The following SGCZ variants were observed in gnomAD, a reference collection of about 807,000 sequenced individuals.
SGCZ encodes zeta-sarcoglycan.
In SGCZ, 40 loss-of-function variants were observed where a neutral mutation model predicts 41.3. That is an observed-to-expected ratio of 0.97 (90% CI 0.75 to 1.26). SGCZ has a LOEUF of 1.26. Among genes scored for constraint, SGCZ ranks in the 50% most tolerant of loss-of-function variants. The probability of loss-of-function intolerance (pLI) is 0.00; values close to 1 mark genes in which losing one functional copy is unlikely to be tolerated. For missense variants in SGCZ, 552 were observed against 369.8 expected (o/e 1.49, Z -4.04); for synonymous variants, 206 against 137.5 (o/e 1.50, Z -3.49).
At chr8:14,740,831 T>C (rs750141476) in intron 1 of SGCZ, among the ~76,000 whole-genome samples, 3 of 152,026 alleles carry the variant, frequency 2.0e-5, no homozygotes, top group Non-Finnish European at 4.4e-5. Context: ...CAGGTAGATG[T>C]AAGGGCAAAC....
At chr8:14,261,201 C>T (rs1172813259) in intron 3 of SGCZ, among the ~76,000 whole-genome samples, 2 of 152,176 alleles carry the variant, frequency 1.3e-5, no homozygotes, top group Non-Finnish European at 2.9e-5. Flanking sequence ...CTTTCTTTCC[C>T]TTGCCTCTTT....
intron 1 of SGCZ, among the ~76,000 whole-genome samples, chr8:14,641,334 T>C (rs1468812474): frequency 6.6e-6 from 1 of 151,776 alleles, no homozygotes; most frequent in Non-Finnish European, 1.5e-5. Flanking sequence ...ATGGATGCAT[T>C]ATTCAAGCTG....
At chr8:14,887,879 C>G (rs1042421003) in intron 1 of SGCZ, among the ~76,000 whole-genome samples, 2 of 152,080 alleles carry the variant, frequency 1.3e-5, no homozygotes, top group African/African-American at 4.8e-5. Flanking sequence ...TTCCTTCTTT[C>G]CTAAGGCTGA....
chr8:15,126,246 A>G (rs1807676279), intron 1 of SGCZ, among the ~76,000 whole-genome samples: 1 of 152,220 alleles, frequency 6.6e-6, no homozygotes, highest in Non-Finnish European at 1.5e-5. Context: ...TATTTTTTAA[A>G]TTTACATTTT....
intron 2 of SGCZ, among the ~76,000 whole-genome samples, chr8:14,551,562 T>TTC (rs1803851887): frequency 5.9e-5 from 1 of 17,024 alleles, no homozygotes; most frequent in Non-Finnish European, 8.8e-5. Context: ...ATATATATTA[T>TTC]ATATATAATA....
chr8:15,185,052 G>T (rs1055811638), intron 1 of SGCZ, among the ~76,000 whole-genome samples: 2 of 152,114 alleles, frequency 1.3e-5, no homozygotes, highest in African/African-American at 4.8e-5. Context: ...ATATCACCCT[G>T]CTACATACAA....
At chr8:15,134,435 AT>A in intron 1 of SGCZ, among the ~76,000 whole-genome samples, 1 of 152,264 alleles carries the variant, frequency 6.6e-6, no homozygotes, top group Non-Finnish European at 1.5e-5. Context: ...TCACTGAGCA[AT>A]TACAACCTCC....
At chr8:14,235,941 C>T (rs1806743470) in intron 4 of SGCZ, among the ~76,000 whole-genome samples, 1 of 152,170 alleles carries the variant, frequency 6.6e-6, no homozygotes, top group African/African-American at 2.4e-5. Flanking sequence ...CCTTGGCCTC[C>T]CAAAGCGCTG....
At chr8:14,672,567 G>C (rs1808138891) in intron 1 of SGCZ, among the ~76,000 whole-genome samples, 1 of 152,148 alleles carries the variant, frequency 6.6e-6, no homozygotes, top group Non-Finnish European at 1.5e-5. Flanking sequence ...CCTACAGTAG[G>C]TGCTGTAATA....
chr8:15,195,433 GT>G (rs1171998328), intron 1 of SGCZ, among the ~76,000 whole-genome samples: 4 of 152,114 alleles, frequency 2.6e-5, no homozygotes, highest in African/African-American at 9.7e-5. Context: ...TTTGTCTGTG[GT>G]CTTAGTGCTC....
chr8:14,415,667 G>A lies in SGCZ; in HGVS notation c.235-91463C>T, dbSNP rs114926354. Among the ~76,000 whole-genome samples, 457 of 152,020 alleles carry A rather than the reference G, an allele frequency of 3.0e-3. 1 individual carries two copies. Among genetic ancestry groups the A allele is most frequent in the African/African-American group, 9.5e-3 (396 of 41,520 alleles). On this transcript the variant is annotated intron_variant, in intron 2 of 7. Transcript: ENST00000382080. ...TTAAATAACTCCTTAAGAAAAAAGT[G>A]AATTTATTAAAGCTGTATTTTGTTC...
At chr8:14,855,055 AT>A (rs1803494597) in intron 1 of SGCZ, among the ~76,000 whole-genome samples, 1 of 151,056 alleles carries the variant, frequency 6.6e-6, no homozygotes, top group African/African-American at 2.4e-5. Flanking sequence ...TATTTTATTT[AT>A]TTATTTATTT....
chr8:15,210,508 C>T (rs1801201387), intron 1 of SGCZ, among the ~76,000 whole-genome samples: 1 of 152,086 alleles, frequency 6.6e-6, no homozygotes, highest in Admixed American at 6.6e-5. Context: ...CCCTTTGCCT[C>T]TGTGCCTTAC....
At chr8:14,268,076 T>A (rs1364588836) in intron 3 of SGCZ, among the ~76,000 whole-genome samples, 2 of 83,642 alleles carry the variant, frequency 2.4e-5, no homozygotes, top group African/African-American at 4.7e-5. Flanking sequence ...ATGTTTACTG[T>A]TTATATTTCT....
At chr8:15,228,300 G>T (rs1300739429) in intron 1 of SGCZ, among the ~76,000 whole-genome samples, 1 of 152,114 alleles carries the variant, frequency 6.6e-6, no homozygotes, top group South Asian at 2.1e-4. Context: ...TTCACACACT[G>T]TAATTACTAA....
intron 1 of SGCZ, among the ~76,000 whole-genome samples, chr8:14,714,993 C>T (rs780134180): frequency 6.6e-6 from 1 of 152,088 alleles, no homozygotes; most frequent in Non-Finnish European, 1.5e-5. Flanking sequence ...AGTGGTTTAG[C>T]CTTCCAATGG....
rs117794752 is a variant in SGCZ at position 14,545,320 on chromosome 8, C to T, written c.234+9412G>A. Reference sequence around the variant, plus strand: ...ATAATAAATCATAGAAATTCTTGCCCAATAAGATAATTTTTATTAAGATAA... The same window carrying T: ...ATAATAAATCATAGAAATTCTTGCCTAATAAGATAATTTTTATTAAGATAA... On this transcript the variant is annotated intron_variant, in intron 2 of 7. Transcript: ENST00000382080. 7.3e-3 allele frequency among the ~76,000 whole-genome samples: 1,113 copies of T among 151,550 alleles called. 6 individuals carry two copies. Among genetic ancestry groups the T allele is most frequent in the Middle Eastern group, 0.017 (5 of 286 alleles).
At chr8:14,641,144 T>C (rs1247008296) in intron 1 of SGCZ, among the ~76,000 whole-genome samples, 1 of 151,632 alleles carries the variant, frequency 6.6e-6, no homozygotes, top group Admixed American at 6.6e-5. Context: ...TTCCAAAGAC[T>C]CTTTCCCCAA....
intron 6 of SGCZ, among the ~76,000 whole-genome samples, chr8:14,106,589 C>A (rs916100881): frequency 1.3e-5 from 2 of 152,130 alleles, no homozygotes; most frequent in African/African-American, 4.8e-5. Flanking sequence ...AGTATGGTTT[C>A]GTTGCCTTAA....
Sources: allele counts gnomAD v4.1 joint callset (sites outside exome capture counted in the v4.1 genomes callset), GRCh38; gene constraint gnomAD v4.1.1; transcripts MANE v1.5; gene names NCBI Gene and HGNC (gene_info 2026-07-23, HGNC 2026-07-21).